KCNK10: variants seen among roughly 807,000 people sequenced by gnomAD.
The protein encoded by KCNK10 is potassium two pore domain channel subfamily K member 10.
A neutral mutation model predicts 47.7 loss-of-function variants in KCNK10; 25 were observed. The observed-to-expected ratio is 0.52, with a 90% CI of 0.38 to 0.73. The LOEUF is 0.73. KCNK10 is among the 30% of genes least tolerant of loss of function. The pLI, the probability that KCNK10 is intolerant of heterozygous loss-of-function variation, is 0.00. For synonymous variants in KCNK10, 303 were observed against 285.6 expected (o/e 1.06, Z -0.61); for missense variants, 563 against 714.5 (o/e 0.79, Z 2.42).
intron 2 of KCNK10, among the ~76,000 whole-genome samples, chr14:88,244,154 A>T (rs1057090983): frequency 2.0e-5 from 3 of 152,084 alleles, no homozygotes; most frequent in Non-Finnish European, 2.9e-5. Flanking sequence ...GGATCTTATG[A>T]CTCTGAAAAA....
chr14:88,258,234 G>C (rs1317532164), intron 2 of KCNK10, among the ~76,000 whole-genome samples: 1 of 151,716 alleles, frequency 6.6e-6, no homozygotes, highest in Non-Finnish European at 1.5e-5. Flanking sequence ...TCAGCACCCT[G>C]AGGCCACATT....
chr14:88,190,995 CCAGCACTTTGGCAGGCCGAT>C (rs1295524051), intron 5 of KCNK10, among the ~76,000 whole-genome samples: 1 of 152,100 alleles, frequency 6.6e-6, no homozygotes, highest in African/African-American at 2.4e-5. Flanking sequence ...ACCTGTAATC[CCAGCACTTTGGCAGGCCGAT>C]CACATGAGCC....
chr14:88,274,690 A>G (rs1218068911), intron 1 of KCNK10, among the ~76,000 whole-genome samples: 2 of 152,120 alleles, frequency 1.3e-5, no homozygotes, highest in Non-Finnish European at 2.9e-5. Flanking sequence ...GATTAATTCC[A>G]TATTTATCAG....
upstream of KCNK10, chr14:88,326,858 C>T: frequency 4.6e-6 from 1 of 218,870 alleles, no homozygotes; most frequent in Non-Finnish European, 8.9e-6. Context: ...TTACCCCCTC[C>T]CCACGCTCCA....
chr14:88,309,651 G>A (rs1397200825), intron 1 of KCNK10, among the ~76,000 whole-genome samples: 2 of 152,064 alleles, frequency 1.3e-5, no homozygotes, highest in African/African-American at 2.4e-5. Flanking sequence ...CCCAACACCC[G>A]TTGGCATTGC....
rs375108460 is a variant in KCNK10 at position 88,260,593 on chromosome 14, C to A, written c.402+2609G>T. On this transcript the variant is annotated intron_variant, in intron 2 of 6. Transcript: ENST00000319231. This position sits in a 1 kb window ranked among gnomAD's most constrained non-coding sequence, Gnocchi z 4.5. ...AGAGTGTACAGTCAGTCCAACCTTG[C>A]GCTGACTACCAGCTCTACCACTTTG... Among the ~76,000 whole-genome samples the A allele has an allele frequency of 1.3e-5, 2 of 152,146 alleles. No homozygotes were observed. Among genetic ancestry groups the A allele is most frequent in the South Asian group, 4.1e-4 (2 of 4,830 alleles).
chr14:88,295,046 T>C (rs909872460), intron 1 of KCNK10, among the ~76,000 whole-genome samples: 1 of 152,234 alleles, frequency 6.6e-6, no homozygotes, highest in African/African-American at 2.4e-5. Flanking sequence ...TTGTGAGCTA[T>C]CTTGAGCCAA....
At chr14:88,313,831 A>G (rs541286198) in intron 1 of KCNK10, among the ~76,000 whole-genome samples, 1 of 152,356 alleles carries the variant, frequency 6.6e-6, no homozygotes, top group South Asian at 2.1e-4. Context: ...ATACAGTAAC[A>G]TGCTAACGTG....
chr14:88,258,962 T>C (rs1887036148), intron 2 of KCNK10, among the ~76,000 whole-genome samples: 1 of 152,210 alleles, frequency 6.6e-6, no homozygotes, highest in Non-Finnish European at 1.5e-5. Context: ...TATGAGGGGT[T>C]CACTCAATCC....
In KCNK10 at chr14:88,260,784, G is replaced by A. The variant is rs1329117490; in HGVS notation, c.402+2418C>T. Among the ~76,000 whole-genome samples the A allele has an allele frequency of 6.6e-6, 1 of 152,148 alleles. No individual in the cohort carries two copies. The highest frequency in any genetic ancestry group is 2.4e-5 in the African/African-American group (1 of 41,446). On this transcript the variant is annotated intron_variant, in intron 2 of 6. Coordinates refer to ENST00000319231, the MANE Select transcript of KCNK10 (RefSeq NM_138317.3). This position sits in a 1 kb window ranked among gnomAD's most constrained non-coding sequence, Gnocchi z 4.5. Reference sequence around the variant, plus strand: ...CTAATAAAGAGCAGCTTTTTAAATTGTTATAAAATTATCTTAAATGCACAC... The same window carrying A: ...CTAATAAAGAGCAGCTTTTTAAATTATTATAAAATTATCTTAAATGCACAC...
chr14:88,300,137 G>A (rs1888064978), intron 1 of KCNK10, among the ~76,000 whole-genome samples: 1 of 152,062 alleles, frequency 6.6e-6, no homozygotes, highest in South Asian at 2.1e-4. Flanking sequence ...TCCCCACTGG[G>A]TCTCAGCCCT....
intron 1 of KCNK10, among the ~76,000 whole-genome samples, chr14:88,272,706 G>A (rs1887434674): frequency 2.0e-5 from 3 of 152,270 alleles, no homozygotes; most frequent in Middle Eastern, 3.4e-3. Context: ...TCAGACCTGG[G>A]TTTAGCAAGC....
chr14:88,232,678 T>C (rs1458377081), intron 3 of KCNK10, among the ~76,000 whole-genome samples: 2 of 152,180 alleles, frequency 1.3e-5, no homozygotes, highest in Non-Finnish European at 2.9e-5. Flanking sequence ...GAAAATTGTG[T>C]TTTCTAAATT....
At chr14:88,276,553 T>A (rs1045179103) in intron 1 of KCNK10, among the ~76,000 whole-genome samples, 6 of 152,350 alleles carry the variant, frequency 3.9e-5, no homozygotes, top group Middle Eastern at 3.4e-3. Context: ...CTTTCTCCTG[T>A]CATCCTACCC....
intron 2 of KCNK10, among the ~76,000 whole-genome samples, chr14:88,261,964 C>T (rs1401231067): frequency 6.6e-6 from 1 of 152,122 alleles, no homozygotes; most frequent in Non-Finnish European, 1.5e-5. Context: ...ATTATTAAAA[C>T]TAACTGACAA....
intron 1 of KCNK10, among the ~76,000 whole-genome samples, chr14:88,321,622 A>T (rs1170424251): frequency 2.6e-5 from 4 of 152,170 alleles, no homozygotes; most frequent in Non-Finnish European, 4.4e-5. Context: ...TGTATTTAAG[A>T]TGTAACAGCC....
At chr14:88,221,939 G>A (rs190633151) in intron 4 of KCNK10, among the ~76,000 whole-genome samples, 25 of 152,260 alleles carry the variant, frequency 1.6e-4, no homozygotes, top group Admixed American at 1.4e-3. Context: ...AGTGAAATAA[G>A]CCAGTCTGAA....
intron 2 of KCNK10, among the ~76,000 whole-genome samples, chr14:88,247,511 T>C (rs1886679265): frequency 6.6e-6 from 1 of 152,228 alleles, no homozygotes; most frequent in Non-Finnish European, 1.5e-5. Context: ...CCCAGTTATG[T>C]GCAAATATTA....
chr14:88,326,778 G>A (rs1427555156), upstream of KCNK10: 3 of 319,474 alleles, frequency 9.4e-6, no homozygotes, highest in South Asian at 4.4e-5. Flanking sequence ...GCCCGGCATG[G>A]GAAGGCTGGG....
Sources: gnomAD v4.1 joint callset for allele counts (sites outside exome capture counted in the v4.1 genomes callset) on GRCh38, gnomAD v4.1.1 for gene constraint, Gnocchi (gnomAD v3.1) non-coding constraint, MANE v1.5 for transcripts, NCBI Gene and HGNC (gene_info 2026-07-23, HGNC 2026-07-21) for gene names.